The following SPATS2 variants were observed in gnomAD, a reference collection of about 807,000 sequenced individuals.
SPATS2 encodes the protein spermatogenesis-associated serine-rich protein 2.
SPATS2 carries 38 observed loss-of-function variants against 63.7 expected under a neutral mutation model. The observed-to-expected ratio is 0.60, with a 90% CI of 0.46 to 0.78. The LOEUF (loss-of-function observed/expected upper bound fraction) is 0.78. Ranked by LOEUF, SPATS2 falls within the 30% of genes least tolerant of loss-of-function variation. SPATS2 has a pLI of 0.00. For synonymous variants in SPATS2, 207 were observed against 232.9 expected (o/e 0.89, Z 1.01); for missense variants, 588 against 666.2 (o/e 0.88, Z 1.29).
chr12:49,428,282 AAAAC>A (rs1015372543), intron 2 of SPATS2, among the ~76,000 whole-genome samples: 15 of 152,260 alleles, frequency 9.9e-5, no homozygotes, highest in African/African-American at 3.1e-4. Context: ...ACAAAAAAAA[AAAAC>A]AAAAATTCAG....
chr12:49,390,886 G>T (rs548014832), intron 2 of SPATS2, among the ~76,000 whole-genome samples: 74 of 152,272 alleles, frequency 4.9e-4, no homozygotes, highest in African/African-American at 1.5e-3. Context: ...TCCTTTGAAA[G>T]AATAAGTTTT....
chr12:49,471,675 A>G lies in SPATS2; in HGVS notation c.25+10638A>G, dbSNP rs112482084. Among the ~76,000 whole-genome samples, 4 of 152,312 alleles carry G rather than the reference A, an allele frequency of 2.6e-5. 1 individual carries two copies. The highest frequency in any genetic ancestry group is 9.6e-5 in the African/African-American group (4 of 41,564). ...ATTTTTAAGTGTATAGCTCAGTGGC[A>G]TTAGTACACTCCCATTGTTGTACAA... On this transcript the variant is annotated intron_variant, in intron 3 of 13. Coordinates refer to ENST00000552918, the MANE Select transcript of SPATS2 (RefSeq NM_023071.4).
intron 2 of SPATS2, among the ~76,000 whole-genome samples, chr12:49,457,442 T>C (rs1203746972): frequency 6.6e-6 from 1 of 152,058 alleles, no homozygotes; most frequent in Non-Finnish European, 1.5e-5. Flanking sequence ...CATCCTCTTT[T>C]TTTTTTTTGA....
Position 49,424,223 on chromosome 12 carries a change from C to A in SPATS2, c.-243-36547C>A, listed in dbSNP as rs563326639. ...GTCTCAAAACAAACAAACAAACAAA[C>A]AAAAAAAACAAACTCAGACCATTAT... On this transcript the variant is annotated intron_variant, in intron 2 of 13. Coordinates refer to ENST00000552918, the MANE Select transcript of SPATS2 (RefSeq NM_023071.4). Among the ~76,000 whole-genome samples, 78 of 151,582 alleles carry A rather than the reference C, an allele frequency of 5.1e-4. 1 individual carries two copies. Among genetic ancestry groups the A allele is most frequent in the Admixed American group, 9.2e-4 (14 of 15,236 alleles).
chr12:49,376,031 C>T (rs917042993), intron 2 of SPATS2, among the ~76,000 whole-genome samples: 1 of 150,534 alleles, frequency 6.6e-6, no homozygotes, highest in Non-Finnish European at 1.5e-5. Context: ...CTCAAATGAT[C>T]CTTCTGTCTT....
intron 2 of SPATS2, among the ~76,000 whole-genome samples, chr12:49,425,163 C>A (rs1945051740): frequency 6.6e-6 from 1 of 152,088 alleles, no homozygotes. Context: ...AGACTTGAAG[C>A]AATGAGTACA....
At chr12:49,376,136 CT>C (rs1944097345) in intron 2 of SPATS2, among the ~76,000 whole-genome samples, 1 of 124,722 alleles carries the variant, frequency 8.0e-6, no homozygotes, top group Non-Finnish European at 1.6e-5. Context: ...GAGTTTCACT[CT>C]GTCGCCCATG....
intron 9 of SPATS2, among the ~76,000 whole-genome samples, chr12:49,506,675 C>T (rs1354872802): frequency 1.3e-5 from 2 of 152,112 alleles, no homozygotes; most frequent in South Asian, 2.1e-4. Flanking sequence ...AATGAGATCC[C>T]GTCTTTACAG....
At chr12:49,476,300 TAGG>T (rs1295321343) in intron 3 of SPATS2, among the ~76,000 whole-genome samples, 6 of 152,028 alleles carry the variant, frequency 3.9e-5, no homozygotes, top group Non-Finnish European at 8.8e-5. Context: ...GCTGGGGCAG[TAGG>T]AGGAGAGCCT....
Position 49,392,876 on chromosome 12 carries a change from A to G in SPATS2, c.-244+21586A>G, listed in dbSNP as rs576667653. ...AGACCAGCCTGGCCAACATGGTGAA[A>G]CCCTGTCTCTACTAAAAATACAAAA... is the stretch of plus-strand genomic sequence containing the variant. On this transcript the variant is annotated intron_variant, in intron 2 of 13. Coordinates refer to ENST00000552918, the MANE Select transcript of SPATS2 (RefSeq NM_023071.4). Among the ~76,000 whole-genome samples, 41 of 151,462 alleles carry G rather than the reference A, an allele frequency of 2.7e-4. No individual in the cohort carries two copies. The South Asian group carries it at 8.3e-3, about 31-fold the overall frequency.
intron 2 of SPATS2, among the ~76,000 whole-genome samples, chr12:49,388,635 C>T (rs376210788): frequency 6.6e-6 from 1 of 151,168 alleles, no homozygotes; most frequent in Non-Finnish European, 1.5e-5. Flanking sequence ...CTCAGCCTCC[C>T]AAAGTGTTGG....
At chr12:49,504,404 T>G (rs192306262) in intron 9 of SPATS2, among the ~76,000 whole-genome samples, 67 of 152,308 alleles carry the variant, frequency 4.4e-4, no homozygotes, top group Admixed American at 2.5e-3. Flanking sequence ...TTTGTCTGCC[T>G]TTCATTGTTG....
At chr12:49,481,033 C>A (rs1230950125) in intron 3 of SPATS2, among the ~76,000 whole-genome samples, 2 of 152,092 alleles carry the variant, frequency 1.3e-5, no homozygotes, top group African/African-American at 4.8e-5. Context: ...ACAACTTTTA[C>A]CTAATTTTTG....
intron 4 of SPATS2, 42 bp from the exon 5 acceptor site, chr12:49,489,423 C>T: frequency 6.5e-7 from 1 of 1,532,210 alleles, no homozygotes; most frequent in Non-Finnish European, 9.0e-7. Flanking sequence ...TGCCTAGTGA[C>T]CTACTAATGT....
intron 8 of SPATS2, among the ~76,000 whole-genome samples, chr12:49,499,182 T>C (rs1565752202): frequency 6.6e-6 from 1 of 152,234 alleles, no homozygotes; most frequent in Non-Finnish European, 1.5e-5. Context: ...TGATTTTTTC[T>C]CTTACTTATA....
Position 49,473,760 on chromosome 12 carries a change from C to T in SPATS2, c.26-10830C>T, listed in dbSNP as rs988457547. On this transcript the variant is annotated intron_variant, in intron 3 of 13. Transcript: ENST00000552918. ...TTACTTGTAAGAAGCTAACATGAGTCTTACAACATGATGTTGAGCAAAAAT... is the reference window on the plus strand; with the variant it reads ...TTACTTGTAAGAAGCTAACATGAGTTTTACAACATGATGTTGAGCAAAAAT... Among the ~76,000 whole-genome samples the T allele has an allele frequency of 1.1e-4, 17 of 152,172 alleles. 1 individual carries two copies. The highest frequency in any genetic ancestry group is 4.1e-4 in the African/African-American group (17 of 41,450).
chr12:49,475,152 C>T (rs1946096794), intron 3 of SPATS2, among the ~76,000 whole-genome samples: 2 of 152,122 alleles, frequency 1.3e-5, no homozygotes, highest in African/African-American at 4.8e-5. Flanking sequence ...AATAAGCTGC[C>T]TTTACTTGCA....
chr12:49,513,924 A>C (rs1020023219), intron 9 of SPATS2, among the ~76,000 whole-genome samples: 1 of 152,152 alleles, frequency 6.6e-6, no homozygotes, highest in African/African-American at 2.4e-5. Flanking sequence ...TGGGAGGCCG[A>C]GGCGGGCGGA....
chr12:49,469,922 ACT>A (rs970609709), intron 3 of SPATS2, among the ~76,000 whole-genome samples: 16 of 151,318 alleles, frequency 1.1e-4, no homozygotes, highest in Admixed American at 1.1e-3. Context: ...GCAACTCAAC[ACT>A]CTCTCCCTGA....
Sources: gnomAD v4.1 joint callset for allele counts (sites outside exome capture counted in the v4.1 genomes callset) on GRCh38, gnomAD v4.1.1 for gene constraint, MANE v1.5 for transcripts, NCBI Gene and HGNC (gene_info 2026-07-23, HGNC 2026-07-21) for gene names.